GPR143: variants seen among roughly 807,000 people sequenced by gnomAD.
GPR143 encodes the protein G protein-coupled receptor 143.
GPR143 carries 8 observed loss-of-function variants against 27.6 expected under a neutral mutation model. The ratio of observed to expected loss-of-function variants is 0.29; its 90% CI spans 0.17 to 0.52. The LOEUF (loss-of-function observed/expected upper bound fraction) is 0.52, where lower values mean the gene tolerates loss of function less well. Ranked by LOEUF, GPR143 falls within the 20% of genes least tolerant of loss-of-function variation. The pLI, the probability that GPR143 is intolerant of heterozygous loss-of-function variation, is 0.96. For synonymous variants in GPR143, 156 were observed against 153.2 expected (o/e 1.02, Z -0.13); for missense variants, 303 against 343.1 (o/e 0.88, Z 0.92).
intron 1 of GPR143, among the ~76,000 whole-genome samples, chrX:9,777,285 T>TA (rs1240909551): frequency 8.9e-6 from 1 of 112,251 alleles, no homozygotes; most frequent in African/African-American, 3.2e-5. Flanking sequence ...CACACACCTG[T>TA]AGTCCCAGCT....
At chrX:9,747,187 G>A (rs1479443282) in intron 4 of GPR143, among the ~76,000 whole-genome samples, 2 of 110,285 alleles carry the variant, frequency 1.8e-5, no homozygotes, top group Non-Finnish European at 3.8e-5. Context: ...AAAGGAGAAA[G>A]AGAAACAAGA....
At chrX:9,776,058 G>C (rs907094938) in intron 1 of GPR143, among the ~76,000 whole-genome samples, 1 of 111,971 alleles carries the variant, frequency 8.9e-6, no homozygotes, top group Non-Finnish European at 1.9e-5. Context: ...CACTCAAGTA[G>C]CCTTGGGTAG....
chrX:9,729,053 C>T (rs759219928), intron 8 of GPR143, among the ~76,000 whole-genome samples: 3 of 110,860 alleles, frequency 2.7e-5, no homozygotes, highest in African/African-American at 6.6e-5. Flanking sequence ...GGCCGTAGAT[C>T]GCCCAGCCAG....
chrX:9,743,513 CA>C lies in GPR143; in HGVS notation c.767+51del, dbSNP rs2083413817. On this transcript the variant is annotated intron_variant, in intron 6 of 8. Transcript: ENST00000467482. ...CGCATGCAACATGGCAAGTTGTTTC[CA>C]TAGCCCTTCCCACTGGCAATAAAAA... The C allele has an allele frequency of 8.7e-6, 6 of 692,176 alleles. No homozygotes were observed. In the South Asian group the frequency reaches 1.1e-4, roughly 12 times the overall value. The allele number at this position is 692,176 out of a possible 1,213,427, so 57.0% of individuals were successfully genotyped here. A position where few individuals can be genotyped will look rare whatever the true frequency, so the allele number is the denominator to read the frequency against.
intron 1 of GPR143, among the ~76,000 whole-genome samples, chrX:9,775,342 G>A (rs146435001): frequency 9.6e-4 from 108 of 112,179 alleles, no homozygotes; most frequent in African/African-American, 3.5e-3. Flanking sequence ...ACGATTCTGT[G>A]AGCCAGGTGG....
chrX:9,739,402 C>A, intron 8 of GPR143, 83 bp downstream of exon 8: 1 of 662,049 alleles, frequency 1.5e-6, no homozygotes, highest in East Asian at 3.5e-5. Context: ...CAGGACAGCC[C>A]CCGGGACAAA....
At chrX:9,738,774 G>A (rs932952676) in intron 8 of GPR143, among the ~76,000 whole-genome samples, 8 of 111,873 alleles carry the variant, frequency 7.2e-5, no homozygotes, top group Non-Finnish European at 1.3e-4. Flanking sequence ...ACAGGTGTGT[G>A]CCTCCATGCC....
chrX:9,753,778 G>T (rs1424963196), intron 3 of GPR143, among the ~76,000 whole-genome samples: 1 of 111,665 alleles, frequency 9.0e-6, no homozygotes, highest in African/African-American at 3.3e-5. Context: ...ACACCTAATA[G>T]CCAAGTCTGA....
chrX:9,742,524 G>A (rs1175402393), intron 6 of GPR143, among the ~76,000 whole-genome samples: 1 of 111,836 alleles, frequency 8.9e-6, no homozygotes, highest in Non-Finnish European at 1.9e-5. Flanking sequence ...GAGCTACCAC[G>A]ACCCGCGCAG....
Position 9,765,629 on chromosome X carries a change from G to C in GPR143, c.189C>G (p.Ser63=), listed in dbSNP as rs1052622546. The C allele has an allele frequency of 1.2e-4, 121 of 983,987 alleles. No individual in the cohort carries two copies. The highest frequency in any genetic ancestry group is 1.5e-4 in the Non-Finnish European group (117 of 786,383). The allele number at this position is 983,987 out of a possible 1,213,427, so 81.1% of individuals were successfully genotyped here. A position where few individuals can be genotyped will look rare whatever the true frequency, so the allele number is the denominator to read the frequency against. ...GCAGGATGCGGACCGAGGCCGGCGG[G>C]GACGTCGCGGGGGACCCGGGGCCCG... The part of the protein sequence containing the change: ...RPAGPGSPAT[S]PPASVRILRA... The change falls in exon 1 of 9, where the codon TCC becomes TCG. Residue 63 remains serine (S), a synonymous_variant. Transcript: ENST00000467482.
intron 8 of GPR143, among the ~76,000 whole-genome samples, chrX:9,731,030 G>A (rs192507843): frequency 3.6e-5 from 4 of 112,100 alleles, no homozygotes; most frequent in Admixed American, 1.9e-4. Flanking sequence ...TAACAGGCAC[G>A]GGAAGGGGAA....
At chrX:9,759,575 T>G (rs1250075769) in intron 2 of GPR143, 149 bp from the exon 3 acceptor site, 1 of 506,980 alleles carries the variant, frequency 2.0e-6, no homozygotes, top group African/African-American at 2.3e-5. Flanking sequence ...GCACAGTTCC[T>G]GGGACCAAGG....
In GPR143 at chrX:9,725,548, A is replaced by T. The variant is rs2083321342; in HGVS notation, c.*198T>A. Reference sequence around the variant, plus strand: ...AGAGTGGTCTGGAGGGGGCTCTTCCATTCTCACACGTGTGTGCATGAACCC... The same window carrying T: ...AGAGTGGTCTGGAGGGGGCTCTTCCTTTCTCACACGTGTGTGCATGAACCC... On this transcript the variant is annotated 3_prime_UTR_variant, in exon 9 of 9. Coordinates refer to ENST00000467482, the MANE Select transcript of GPR143 (RefSeq NM_000273.3). The T allele has an allele frequency of 4.8e-6, 2 of 416,356 alleles. No homozygotes were observed. Among genetic ancestry groups the T allele is most frequent in the Non-Finnish European group, 8.4e-6 (2 of 237,916 alleles). 34.3% of individuals were successfully genotyped at this position (416,356 alleles called of 1,213,427 possible). A position where few individuals can be genotyped will look rare whatever the true frequency, so the allele number is the denominator to read the frequency against.
At chrX:9,743,697 G>A (rs776920799) in intron 5 of GPR143, 24 bp from the exon 6 acceptor site, 18 of 866,591 alleles carry the variant, frequency 2.1e-5, no homozygotes, top group Non-Finnish European at 2.9e-5. Flanking sequence ...AAGGAACTAT[G>A]TATGGTGTTC....
upstream of GPR143, among the ~76,000 whole-genome samples, chrX:9,770,358 G>A (rs759789915): frequency 9.2e-3 from 699 of 75,812 alleles, 4 homozygotes; most frequent in African/African-American, 0.039. Flanking sequence ...AGAGAGAGAG[G>A]AAGACCAGCC....
At chrX:9,729,788 A>G (rs1241499628) in intron 8 of GPR143, among the ~76,000 whole-genome samples, 1 of 111,930 alleles carries the variant, frequency 8.9e-6, no homozygotes, top group Non-Finnish European at 1.9e-5. Context: ...ACCCCCTTCC[A>G]ACTGGCCCTC....
chrX:9,726,257 A>T (rs2083326996), intron 8 of GPR143, among the ~76,000 whole-genome samples: 1 of 111,279 alleles, frequency 9.0e-6, no homozygotes, highest in Non-Finnish European at 1.9e-5. Context: ...AACTAACACA[A>T]CAGGGACCCT....
intron 2 of GPR143, 71 bp from the exon 3 acceptor site, chrX:9,759,497 G>A (rs771403590): frequency 7.6e-5 from 55 of 719,195 alleles, no homozygotes; most frequent in Non-Finnish European, 1.1e-4. Context: ...TCCTTGAGAC[G>A]GCAGGGTAGA....
chrX:9,773,489 AC>A, intron 1 of GPR143, among the ~76,000 whole-genome samples: 1 of 87,071 alleles, frequency 1.1e-5, no homozygotes, highest in East Asian at 3.4e-4. Flanking sequence ...GTACACACAC[AC>A]ACACACACAC....
Sources: gnomAD v4.1 joint callset for allele counts (sites outside exome capture counted in the v4.1 genomes callset) on GRCh38, gnomAD v4.1.1 for gene constraint, MANE v1.5 for transcripts, NCBI Gene and HGNC (gene_info 2026-07-23, HGNC 2026-07-21) for gene names.